Variants in COL4A3 observed in about 807,000 individuals in gnomAD.
COL4A3 encodes collagen type IV alpha 3 chain.
In COL4A3, 135 loss-of-function variants were observed where a neutral mutation model predicts 217.4. The observed-to-expected ratio is 0.62, with a 90% confidence interval of 0.54 to 0.72. The LOEUF (loss-of-function observed/expected upper bound fraction) is 0.72, where lower values mean the gene tolerates loss of function less well. Among genes scored for constraint, COL4A3 ranks in the 30% least tolerant of loss-of-function variants. The probability of loss-of-function intolerance (pLI) is 0.00; values close to 1 mark genes in which losing one functional copy is unlikely to be tolerated. For synonymous variants in COL4A3, 690 were observed against 736.3 expected (o/e 0.94, Z 1.02); for missense variants, 1,868 against 2,119.9 (o/e 0.88, Z 2.33).
chr2:227,269,913 G>C lies in COL4A3; in HGVS notation c.1508G>C (p.Arg503Thr). 1 of 1,613,780 alleles carries C rather than the reference G, an allele frequency of 6.2e-7. No individual in the cohort carries two copies. The highest frequency in any genetic ancestry group is 1.3e-5 in the African/African-American group (1 of 75,036). The change falls in exon 24 of 52, where the codon AGA becomes ACA. Residue 503 changes from arginine (R) to threonine (T), a missense_variant. By Grantham distance (71) the Arg-to-Thr change is moderately conservative. This residue lies in a region of COL4A3 where 1,503 missense variants were observed against 1,786.1 expected (regional missense o/e 0.84). Transcript: ENST00000396578. The stretch of plus-strand genomic sequence containing the variant: ...TTAATAATTCGTTGATTTGCAGGAA[G>C]ACAAGGCGCAGCTGGCTTGAAAGGA... ...GLHGVKGIPG[R>T]QGAAGLKGSP...
In COL4A3 at chr2:227,229,536, G is replaced by A. The variant is rs965508523; in HGVS notation, c.88-8432G>A. The stretch of plus-strand genomic sequence containing the variant: ...TCAAGAGGAAATGTCAGGGAGGAAG[G>A]TGGCTAGTGCAGACTGATGGAAGAA... On this transcript the variant is annotated intron_variant, in intron 1 of 51. Transcript: ENST00000396578. 3.3e-5 allele frequency among the ~76,000 whole-genome samples: 5 copies of A among 152,290 alleles called. No individual in the cohort carries two copies. In the East Asian group the frequency reaches 9.7e-4, roughly 29 times the overall value.
At chr2:227,295,358 A>G (rs2072984939) in intron 41 of COL4A3, 42 bp downstream of exon 41, 1 of 1,574,182 alleles carries the variant, frequency 6.4e-7, no homozygotes, top group East Asian at 2.2e-5. Context: ...CACATTTTCA[A>G]GGAGAGAAAG....
intron 21 of COL4A3, among the ~76,000 whole-genome samples, chr2:227,266,201 A>G (rs1352202157): frequency 1.3e-5 from 2 of 152,196 alleles, no homozygotes; most frequent in East Asian, 1.9e-4. Flanking sequence ...TTATACAATG[A>G]GCTTTCAAAG....
chr2:227,237,779 T>C, intron 1 of COL4A3, 189 bp from the exon 2 acceptor site: 1 of 545,334 alleles, frequency 1.8e-6, no homozygotes, highest in Non-Finnish European at 3.4e-6. Flanking sequence ...CAACATGTTC[T>C]CAGTTTTCTA....
intron 41 of COL4A3, among the ~76,000 whole-genome samples, chr2:227,297,211 C>T (rs373394652): frequency 3.3e-5 from 5 of 152,184 alleles, no homozygotes; most frequent in African/African-American, 9.7e-5. Flanking sequence ...ATCAGTGCTA[C>T]GCAGTTTAGC....
chr2:227,272,996 CTCCCCTGGG>C lies in COL4A3; in HGVS notation c.1812_1820del (p.Ser606_Gly608del), dbSNP rs1219147092. On this transcript the variant is annotated inframe_deletion, in exon 26 of 52. Coordinates refer to ENST00000396578, the MANE Select transcript of COL4A3 (RefSeq NM_000091.5). ...ACCAAGGTCCTCCAGGGGATCCTGGCTCCCCTGGGTCCCCAGGACCTGCAGGACCAGCTG... is the reference window on the plus strand; with the variant it reads ...ACCAAGGTCCTCCAGGGGATCCTGGCTCCCCAGGACCTGCAGGACCAGCTG... The C allele has an allele frequency of 6.2e-7, 1 of 1,613,904 alleles. No homozygotes were observed. Among genetic ancestry groups the C allele is most frequent in the Non-Finnish European group, 8.5e-7 (1 of 1,179,808 alleles).
intron 34 of COL4A3, among the ~76,000 whole-genome samples, chr2:227,286,059 G>A (rs893632295): frequency 6.6e-6 from 1 of 152,190 alleles, no homozygotes; most frequent in African/African-American, 2.4e-5. Context: ...GCAGACTTAG[G>A]CATATGTAGA....
chr2:227,282,477 G>A lies in COL4A3; in HGVS notation c.2601G>A (p.Met867Ile), dbSNP rs1237514825. The change falls in exon 32 of 52, where the codon ATG becomes ATA. Residue 867 changes from methionine to isoleucine, a missense_variant. Coordinates refer to ENST00000396578, the MANE Select transcript of COL4A3 (RefSeq NM_000091.5). This position sits in a 1 kb window ranked among gnomAD's most constrained non-coding sequence, Gnocchi z 4.4. Reference protein sequence around the residue: ...SPGIPGHQGEMGPLGQRGYPG... With the variant: ...SPGIPGHQGEIGPLGQRGYPG... ...GAATTCCAGGTCATCAAGGTGAAAT[G>A]GGACCACTGGGTCAAAGAGGATATC... is the stretch of plus-strand genomic sequence containing the variant. The A allele has an allele frequency of 1.9e-6, 3 of 1,613,846 alleles. No homozygotes were observed. The highest frequency in any genetic ancestry group is 1.7e-5 in the Admixed American group (1 of 60,002).
chr2:227,252,318 A>G (rs573527287), intron 11 of COL4A3, among the ~76,000 whole-genome samples: 165 of 146,950 alleles, frequency 1.1e-3, no homozygotes, highest in Middle Eastern at 0.011. Context: ...GGTTCAAGCA[A>G]TTCTCCTGCC....
intron 32 of COL4A3, among the ~76,000 whole-genome samples, chr2:227,283,208 G>A (rs2072093032): frequency 6.6e-6 from 1 of 152,040 alleles, no homozygotes; most frequent in Non-Finnish European, 1.5e-5. Flanking sequence ...TTGTTTATAT[G>A]TTTGGGGAGA....
chr2:227,200,867 A>T (rs1326758119), intron 1 of COL4A3, among the ~76,000 whole-genome samples: 1 of 152,182 alleles, frequency 6.6e-6, no homozygotes, highest in Non-Finnish European at 1.5e-5. Flanking sequence ...TGAAATGTTC[A>T]ATTACAAATG....
At position 227,297,564 on chromosome 2, in the gene COL4A3, T is replaced by G. The variant is rs62279162; in HGVS notation, c.3566-110T>G. On this transcript the variant is annotated intron_variant, in intron 41 of 51. Coordinates refer to ENST00000396578, the MANE Select transcript of COL4A3 (RefSeq NM_000091.5). ...AAATATATATTTTAGAAACATATAT[T>G]CTGAATCTGAACACTTTTAAGCAAA... 316,521 of 933,916 alleles carry G rather than the reference T, an allele frequency of 0.34. 55,176 individuals are homozygous for G. The highest frequency in any genetic ancestry group is 0.42 in the Admixed American group (17,499 of 42,034). The allele number at this position is 933,916 out of a possible 1,614,324, so 57.9% of individuals were successfully genotyped here.
intron 1 of COL4A3, among the ~76,000 whole-genome samples, chr2:227,202,271 T>A (rs1265317645): frequency 1.3e-5 from 2 of 152,178 alleles, no homozygotes; most frequent in African/African-American, 4.8e-5. Context: ...TGTCTGTATT[T>A]TCCTTGTGGC....
chr2:227,194,941 C>T (rs1214180004), intron 1 of COL4A3, among the ~76,000 whole-genome samples: 1 of 152,018 alleles, frequency 6.6e-6, no homozygotes, highest in African/African-American at 2.4e-5. Flanking sequence ...CATGAATGAA[C>T]TTAAATGATT....
chr2:227,289,940 T>C (rs1442198332), intron 35 of COL4A3, 59 bp from the exon 36 acceptor site: 2 of 1,535,130 alleles, frequency 1.3e-6, no homozygotes, highest in Admixed American at 1.7e-5. Flanking sequence ...CAAGTATTTA[T>C]TAAACACATA....
chr2:227,290,706 A>C (rs749980080), intron 36 of COL4A3, 41 bp from the exon 37 acceptor site: 1 of 1,602,512 alleles, frequency 6.2e-7, no homozygotes. Flanking sequence ...CAAGATCCTC[A>C]TGTTTATCTA....
At chr2:227,188,466 T>C (rs1311803739) in intron 1 of COL4A3, among the ~76,000 whole-genome samples, 10 of 151,698 alleles carry the variant, frequency 6.6e-5, no homozygotes, top group Admixed American at 6.6e-4. Flanking sequence ...CCGAGAGGGA[T>C]ATCCGGTCAG....
chr2:227,298,079 G>A (rs957203768), intron 42 of COL4A3, among the ~76,000 whole-genome samples: 7 of 152,150 alleles, frequency 4.6e-5, no homozygotes, highest in African/African-American at 1.7e-4. Context: ...TGGACGCAGT[G>A]GCTCACACCC....
At chr2:227,258,577 C>G (rs1490615452) in intron 18 of COL4A3, among the ~76,000 whole-genome samples, 1 of 152,174 alleles carries the variant, frequency 6.6e-6, no homozygotes, top group African/African-American at 2.4e-5. Context: ...TGGCTGCATC[C>G]TCACATGGCA....
Sources: allele counts gnomAD v4.1 joint callset (sites outside exome capture counted in the v4.1 genomes callset), GRCh38; gene constraint gnomAD v4.1.1; regional missense constraint gnomAD v4.1.1; non-coding constraint Gnocchi (gnomAD v3.1); transcripts MANE v1.5; gene names NCBI Gene and HGNC (gene_info 2026-07-23, HGNC 2026-07-21).